Variants in LRRC4B observed in about 807,000 individuals in gnomAD.
The protein encoded by LRRC4B is leucine rich repeat containing 4B, also known as leucine-rich repeat-containing protein 4B.
In LRRC4B, 1 loss-of-function variant was observed where a neutral mutation model predicts 7.3. That is an observed-to-expected ratio of 0.14 (90% CI 0.05 to 0.65). The LOEUF (loss-of-function observed/expected upper bound fraction) is 0.65. LRRC4B is among the 30% of genes least tolerant of loss of function. The pLI, the probability that LRRC4B is intolerant of heterozygous loss-of-function variation, is 0.84. For synonymous variants in LRRC4B, 500 were observed against 499.2 expected, an observed-to-expected ratio of 1.00 and a Z score of -0.02; for missense variants, 730 against 1,041.6, an observed-to-expected ratio of 0.70 and a Z score of 4.12.
At chr19:50,565,039 C>A (rs923026669) in intron 1 of LRRC4B, among the ~76,000 whole-genome samples, 1 of 152,146 alleles carries the variant, frequency 6.6e-6, no homozygotes, top group Non-Finnish European at 1.5e-5. Flanking sequence ...ACCTCTCGGA[C>A]GGCGAGGAGG....
Position 50,519,470 on chromosome 19 carries a change from G to A in LRRC4B, c.298-55C>T. On this transcript the variant is annotated intron_variant, in intron 2 of 2. Coordinates refer to ENST00000652263, the MANE Select transcript of LRRC4B (RefSeq NM_001080457.2). The surrounding 1 kb of genome is among the most constrained non-coding windows in gnomAD (Gnocchi z 8.1). The stretch of plus-strand genomic sequence containing the variant: ...GGAGATACTGACGGGGACCGTGGGG[G>A]GATCACCAAGGTCCCGGGCGCAGGT... The A allele has an allele frequency of 6.8e-7, 1 of 1,480,188 alleles. No individual in the cohort carries two copies. The highest frequency in any genetic ancestry group is 1.4e-5 in the African/African-American group (1 of 71,672). 91.7% of individuals were successfully genotyped at this position (1,480,188 alleles called of 1,614,324 possible).
In LRRC4B at chr19:50,527,323, C is replaced by T. The variant is rs573419495; in HGVS notation, c.298-7908G>A. On this transcript the variant is annotated intron_variant, in intron 2 of 2. Transcript: ENST00000652263. ...CTGGGATTACAGGCATGAGCCACCA[C>T]GCCCGGCTGTTTTCTTTCTTTTTTC... 6.0e-5 allele frequency among the ~76,000 whole-genome samples: 9 copies of T among 150,332 alleles called. No homozygotes were observed. The East Asian group carries it at 9.7e-4, about 16-fold the overall frequency.
intron 1 of LRRC4B, 123 bp downstream of exon 1, chr19:50,567,821 C>CCT (rs1370420935): frequency 1.2e-5 from 1 of 81,320 alleles, no homozygotes; most frequent in African/African-American, 5.7e-5. Flanking sequence ...CCTCTGCCAT[C>CCT]CCCCCCCATC....
At chr19:50,543,659 C>T (rs948587477) in intron 2 of LRRC4B, among the ~76,000 whole-genome samples, 8 of 151,284 alleles carry the variant, frequency 5.3e-5, no homozygotes, top group Admixed American at 3.3e-4. Context: ...CGAGACCAGC[C>T]GGGTCAATAT....
Position 50,519,477 on chromosome 19 carries a change from C to A in LRRC4B, c.298-62G>T. 2 of 1,473,558 alleles carry A rather than the reference C, an allele frequency of 1.4e-6. No homozygotes were observed. Among genetic ancestry groups the A allele is most frequent in the South Asian group, 2.7e-5 (2 of 73,454 alleles). 91.3% of individuals were successfully genotyped at this position (1,473,558 alleles called of 1,614,324 possible). On this transcript the variant is annotated intron_variant, in intron 2 of 2. Coordinates refer to ENST00000652263, the MANE Select transcript of LRRC4B (RefSeq NM_001080457.2). The surrounding 1 kb of genome is among the most constrained non-coding windows in gnomAD (Gnocchi z 8.1). Reference sequence around the variant, plus strand: ...CTGACGGGGACCGTGGGGGGATCACCAAGGTCCCGGGCGCAGGTGGGGCCG... The same window carrying A: ...CTGACGGGGACCGTGGGGGGATCACAAAGGTCCCGGGCGCAGGTGGGGCCG...
chr19:50,518,982 A>G lies in LRRC4B; in HGVS notation c.731T>C (p.Ile244Thr). Residue 244 changes from isoleucine to threonine, a missense_variant, in exon 3 of 3, where the codon ATC becomes ACC. Ile to Thr is a moderately conservative substitution (Grantham distance 89, BLOSUM62 -1). This residue lies in a region of LRRC4B where 226 missense variants were observed against 448.0 expected (regional missense o/e 0.50). Transcript: ENST00000652263. ...GAGACCCTGGAAGGAGCCCGGGCGGATCAGGTCCAGCCGGTTGCCCGACAG... is the reference window on the plus strand; with the variant it reads ...GAGACCCTGGAAGGAGCCCGGGCGGGTCAGGTCCAGCCGGTTGCCCGACAG... ...LELSGNRLDL[I>T]RPGSFQGLTS... 1 of 1,613,238 alleles carries G rather than the reference A, an allele frequency of 6.2e-7. No individual in the cohort carries two copies. Among genetic ancestry groups the G allele is most frequent in the Non-Finnish European group, 8.5e-7 (1 of 1,179,830 alleles).
At position 50,553,991 on chromosome 19, in the gene LRRC4B, C is replaced by CTT. The variant is rs3058937; in HGVS notation, c.-35-5120_-35-5119dup. On this transcript the variant is annotated intron_variant, in intron 1 of 2. Transcript: ENST00000652263. The surrounding 1 kb of genome is among the most constrained non-coding windows in gnomAD (Gnocchi z 4.2). Reference sequence around the variant, plus strand: ...GGAGGCCTGCTGGCAGAGGCAGCACCTTTTTTTTTTTTTTTTTTTTGAGAC... The same window carrying CTT: ...GGAGGCCTGCTGGCAGAGGCAGCACCTTTTTTTTTTTTTTTTTTTTTTGAGAC... Among the ~76,000 whole-genome samples, 40,113 of 111,608 alleles carry CTT rather than the reference C, an allele frequency of 0.36. 8,679 individuals carry two copies. Among genetic ancestry groups the CTT allele is most frequent in the Non-Finnish European group, 0.45 (25,345 of 56,732 alleles). The allele number at this position is 111,608 out of a possible 152,430, so 73.2% of individuals were successfully genotyped here.
At chr19:50,538,155 C>T (rs1049089918) in intron 2 of LRRC4B, among the ~76,000 whole-genome samples, 2 of 151,984 alleles carry the variant, frequency 1.3e-5, no homozygotes, top group Non-Finnish European at 2.9e-5. Context: ...CCTCTGCCTC[C>T]GGGTTCAAGT....
chr19:50,517,606 C>G lies in LRRC4B; in HGVS notation c.2107G>C (p.Gly703Arg), dbSNP rs774084707. ...GTCTCTTGCACGTTCTCCTTGGAGC[C>G]GCTCTTGAAGAGCAGAGGTTCGTGG... Reference protein sequence around the residue: ...SIHEPLLFKSGSKENVQETQI With the variant: ...SIHEPLLFKSRSKENVQETQI The change falls in exon 3 of 3, where the codon GGC (glycine) becomes CGC (arginine). Residue 703 changes from glycine to arginine, a missense_variant. This residue lies in a region of LRRC4B where 5 missense variants were observed against 18.5 expected (regional missense o/e 0.27). Transcript: ENST00000652263. The surrounding 1 kb of genome is among the most constrained non-coding windows in gnomAD (Gnocchi z 6.6). 10 of 1,464,898 alleles carry G rather than the reference C, an allele frequency of 6.8e-6. No homozygotes were observed. Among genetic ancestry groups the G allele is most frequent in the Non-Finnish European group, 8.1e-6 (9 of 1,109,512 alleles). The allele number at this position is 1,464,898 out of a possible 1,614,324, so 90.7% of individuals were successfully genotyped here.
At chr19:50,567,570 C>T (rs1187928867) in intron 1 of LRRC4B, among the ~76,000 whole-genome samples, 1 of 150,094 alleles carries the variant, frequency 6.7e-6, no homozygotes, top group African/African-American at 2.5e-5. Context: ...GAGGAAGAAC[C>T]TGGACTCCCG....
chr19:50,549,897 T>A (rs1488930021), intron 1 of LRRC4B, among the ~76,000 whole-genome samples: 2 of 152,092 alleles, frequency 1.3e-5, no homozygotes, highest in Non-Finnish European at 2.9e-5. Context: ...CCAGGGACTC[T>A]GCCTGGGTTC....
intron 2 of LRRC4B, among the ~76,000 whole-genome samples, chr19:50,540,271 A>G (rs1043215843): frequency 2.0e-5 from 3 of 152,196 alleles, no homozygotes; most frequent in Admixed American, 2.0e-4. Context: ...GGCTGCACAG[A>G]AGGAGGTGAG....
intron 2 of LRRC4B, among the ~76,000 whole-genome samples, chr19:50,547,999 G>A (rs1256230177): frequency 6.6e-6 from 1 of 152,030 alleles, no homozygotes; most frequent in African/African-American, 2.4e-5. Context: ...CCATGGAAAC[G>A]CCTCCTGTCC....
At chr19:50,528,964 G>T (rs1980936429) in intron 2 of LRRC4B, among the ~76,000 whole-genome samples, 1 of 152,170 alleles carries the variant, frequency 6.6e-6, no homozygotes, top group Admixed American at 6.5e-5. Flanking sequence ...ATGAGGCTGG[G>T]GGCTGTGGGC....
rs922271009 is a variant in LRRC4B at position 50,519,485 on chromosome 19, C to T, written c.298-70G>A. On this transcript the variant is annotated intron_variant, in intron 2 of 2. Transcript: ENST00000652263. The surrounding 1 kb of genome is among the most constrained non-coding windows in gnomAD (Gnocchi z 8.1). The stretch of plus-strand genomic sequence containing the variant: ...GACCGTGGGGGGATCACCAAGGTCC[C>T]GGGCGCAGGTGGGGCCGTGTGGCTG... 6 of 1,464,422 alleles carry T rather than the reference C, an allele frequency of 4.1e-6. No individual in the cohort carries two copies. Among genetic ancestry groups the T allele is most frequent in the Middle Eastern group, 1.8e-4 (1 of 5,550 alleles). The allele number at this position is 1,464,422 out of a possible 1,614,324, so 90.7% of individuals were successfully genotyped here.
intron 2 of LRRC4B, among the ~76,000 whole-genome samples, chr19:50,527,324 G>A (rs959772598): frequency 4.7e-5 from 7 of 148,744 alleles, no homozygotes; most frequent in Non-Finnish European, 8.9e-5. Flanking sequence ...GAGCCACCAC[G>A]CCCGGCTGTT....
chr19:50,543,778 A>G (rs978415293), intron 2 of LRRC4B, among the ~76,000 whole-genome samples: 1 of 143,778 alleles, frequency 7.0e-6, no homozygotes, highest in Non-Finnish European at 1.5e-5. Flanking sequence ...TCCTGAACCC[A>G]GGAGGCAGAG....
chr19:50,546,776 G>A (rs568330578), intron 2 of LRRC4B, among the ~76,000 whole-genome samples: 4 of 152,298 alleles, frequency 2.6e-5, no homozygotes, highest in East Asian at 1.9e-4. Context: ...CAGGTTCTAC[G>A]ACGGGGATGT....
intron 1 of LRRC4B, among the ~76,000 whole-genome samples, chr19:50,549,871 G>A (rs1182606513): frequency 6.6e-6 from 1 of 152,198 alleles, no homozygotes; most frequent in Non-Finnish European, 1.5e-5. Context: ...GGAGGGGATG[G>A]GGAAGGGAAG....
Sources: gnomAD v4.1 joint callset for allele counts (sites outside exome capture counted in the v4.1 genomes callset) on GRCh38, gnomAD v4.1.1 for gene constraint, gnomAD v4.1.1 regional missense constraint, Gnocchi (gnomAD v3.1) non-coding constraint, MANE v1.5 for transcripts, NCBI Gene and HGNC (gene_info 2026-07-23, HGNC 2026-07-21) for gene names.